RBMS3: variants seen among roughly 807,000 people sequenced by gnomAD.
The protein encoded by RBMS3 is RNA binding motif single stranded interacting protein 3, also known as RNA-binding motif, single-stranded-interacting protein 3.
In RBMS3, 27 loss-of-function variants were observed where a neutral mutation model predicts 66.8. That is an observed-to-expected ratio of 0.40 (90% CI 0.30 to 0.56). The LOEUF (loss-of-function observed/expected upper bound fraction) is 0.56, where lower values mean the gene tolerates loss of function less well. Ranked by LOEUF, RBMS3 falls within the 20% of genes least tolerant of loss-of-function variation. RBMS3 has a pLI of 0.40. For missense variants in RBMS3, 513 were observed against 549.5 expected (o/e 0.93, Z 0.66); for synonymous variants, 188 against 183.0 (o/e 1.03, Z -0.22).
intron 5 of RBMS3, among the ~76,000 whole-genome samples, chr3:29,755,087 G>A (rs2055350316): frequency 6.6e-6 from 1 of 152,176 alleles, no homozygotes; most frequent in African/African-American, 2.4e-5. Flanking sequence ...AAGTGGTAAT[G>A]TATTCCAGAG....
At chr3:29,567,319 G>C (rs1340639310) in intron 3 of RBMS3, among the ~76,000 whole-genome samples, 1 of 152,132 alleles carries the variant, frequency 6.6e-6, no homozygotes, top group Non-Finnish European at 1.5e-5. Flanking sequence ...TAAATGAATA[G>C]ACTGTTCTTG....
At chr3:29,946,976 T>C (rs1160723878) in intron 12 of RBMS3, among the ~76,000 whole-genome samples, 1 of 151,476 alleles carries the variant, frequency 6.6e-6, no homozygotes, top group Non-Finnish European at 1.5e-5. Context: ...TGTGCAATTA[T>C]GATATTGGCA....
At chr3:29,703,184 A>G (rs1393642695) in intron 4 of RBMS3, among the ~76,000 whole-genome samples, 2 of 152,248 alleles carry the variant, frequency 1.3e-5, no homozygotes, top group African/African-American at 2.4e-5. Context: ...CCGAAGCCAT[A>G]GAACTAGGGA....
At chr3:29,715,807 A>G (rs1347376581) in intron 4 of RBMS3, among the ~76,000 whole-genome samples, 3 of 152,110 alleles carry the variant, frequency 2.0e-5, no homozygotes, top group East Asian at 1.9e-4. Context: ...TAAGTGTTCA[A>G]TGAGGGGATT....
At chr3:29,677,100 C>T (rs59697205) in intron 4 of RBMS3, among the ~76,000 whole-genome samples, 11,875 of 152,072 alleles carry the variant, frequency 0.078, 826 homozygotes, top group African/African-American at 0.18. Context: ...TTTTAAACAA[C>T]CATATCTCAA....
At chr3:29,465,243 G>C (rs2042498032) in intron 2 of RBMS3, among the ~76,000 whole-genome samples, 3 of 152,102 alleles carry the variant, frequency 2.0e-5, no homozygotes, top group Admixed American at 2.0e-4. Flanking sequence ...GAAGTCATGT[G>C]AATAAAAGAC....
At chr3:29,534,777 A>G (rs967141649) in intron 3 of RBMS3, among the ~76,000 whole-genome samples, 2 of 152,212 alleles carry the variant, frequency 1.3e-5, no homozygotes, top group African/African-American at 4.8e-5. Flanking sequence ...GTTCAGTTCT[A>G]TAGCTTTCAG....
intron 3 of RBMS3, among the ~76,000 whole-genome samples, chr3:29,523,520 C>T (rs1242713872): frequency 1.3e-5 from 2 of 151,894 alleles, no homozygotes; most frequent in East Asian, 1.9e-4. Context: ...GGGTTATTTC[C>T]TGGATATCTT....
At chr3:29,861,917 C>T (rs1171664725) in intron 6 of RBMS3, among the ~76,000 whole-genome samples, 6 of 152,268 alleles carry the variant, frequency 3.9e-5, no homozygotes, top group African/African-American at 1.4e-4. Flanking sequence ...TCTTCTAGCA[C>T]ATTAAAGTCT....
chr3:29,777,209 G>C (rs142341203), intron 6 of RBMS3, among the ~76,000 whole-genome samples: 62 of 151,722 alleles, frequency 4.1e-4, no homozygotes, highest in African/African-American at 1.4e-3. Flanking sequence ...CTCACTGTAC[G>C]GCATTAAATG....
intron 2 of RBMS3, among the ~76,000 whole-genome samples, chr3:29,447,648 C>G (rs1300870125): frequency 1.3e-5 from 2 of 152,044 alleles, no homozygotes; most frequent in Admixed American, 6.5e-5. Flanking sequence ...GAGTGAGTAC[C>G]CAGTAAGTAT....
chr3:29,692,128 C>T (rs1298647607), intron 4 of RBMS3, among the ~76,000 whole-genome samples: 1 of 151,418 alleles, frequency 6.6e-6, no homozygotes. Flanking sequence ...ATTACAGATG[C>T]CTGCCACTAT....
intron 4 of RBMS3, among the ~76,000 whole-genome samples, chr3:29,636,038 ATGTGTGTGTGTGTG>A (rs10565409): frequency 2.1e-5 from 3 of 145,348 alleles, no homozygotes; most frequent in South Asian, 4.5e-4. Flanking sequence ...GTCATCAAGA[ATGTGTGTGTGTGTG>A]TGTGTGTGTG....
At chr3:29,815,769 T>G (rs1242708169) in intron 6 of RBMS3, among the ~76,000 whole-genome samples, 1 of 151,526 alleles carries the variant, frequency 6.6e-6, no homozygotes, top group South Asian at 2.1e-4. Flanking sequence ...TATAATGGAC[T>G]TCGAGGACTC....
chr3:29,936,449 A>C (rs1225821568), intron 11 of RBMS3, among the ~76,000 whole-genome samples: 3 of 152,108 alleles, frequency 2.0e-5, no homozygotes, highest in Non-Finnish European at 4.4e-5. Flanking sequence ...AATGTACCAG[A>C]TGTAATGTCT....
intron 1 of RBMS3, among the ~76,000 whole-genome samples, chr3:29,298,291 T>A (rs2033426150): frequency 6.6e-6 from 1 of 151,940 alleles, no homozygotes; most frequent in African/African-American, 2.4e-5. Context: ...TTTTGGTATA[T>A]CCTATTAGCT....
At chr3:29,310,124 G>A (rs530798771) in intron 1 of RBMS3, among the ~76,000 whole-genome samples, 2 of 151,762 alleles carry the variant, frequency 1.3e-5, no homozygotes, top group African/African-American at 4.8e-5. Flanking sequence ...CAGATCAAGG[G>A]CACAGGTGGA....
intron 1 of RBMS3, among the ~76,000 whole-genome samples, chr3:29,370,247 G>T (rs1436986124): frequency 2.6e-5 from 4 of 152,120 alleles, no homozygotes; most frequent in Non-Finnish European, 5.9e-5. Context: ...GTTTTAGTTG[G>T]ACTTTGTTGA....
In RBMS3 at chr3:29,988,221, G is replaced by GAAGT; in HGVS notation, c.1179+3_1179+6dup. 50 of 1,604,284 alleles carry GAAGT rather than the reference G, an allele frequency of 3.1e-5. No homozygotes were observed. The African/African-American group carries it at 6.4e-4, about 21-fold the overall frequency. On this transcript the variant is annotated frameshift_variant and splice_region_variant, in exon 13 of 15. Transcript: ENST00000383767. LOFTEE classifies it high-confidence loss of function. The stretch of plus-strand genomic sequence containing the variant: ...TGTGCCTCCGACAGCTGTTTCTATT[G>GAAGT]AAGTAAGTCTACCCCTGTCTAATAA...
Sources: allele counts gnomAD v4.1 joint callset (sites outside exome capture counted in the v4.1 genomes callset), GRCh38; gene constraint gnomAD v4.1.1; transcripts MANE v1.5; gene names NCBI Gene and HGNC (gene_info 2026-07-23, HGNC 2026-07-21).